The following CORIN variants were observed in gnomAD, a reference collection of about 807,000 sequenced individuals.
The protein encoded by CORIN is atrial natriuretic peptide-converting enzyme.
A neutral mutation model predicts 125.3 loss-of-function variants in CORIN; 117 were observed. That is an observed-to-expected ratio of 0.93 (90% CI 0.80 to 1.09). CORIN has a LOEUF of 1.09. Ranked by LOEUF, CORIN falls within the 50% of genes least tolerant of loss-of-function variation. The pLI is 0.00. For missense variants in CORIN, 1,253 were observed against 1,306.7 expected, an observed-to-expected ratio of 0.96 and a Z score of 0.63; for synonymous variants, 450 against 466.4, an observed-to-expected ratio of 0.96 and a Z score of 0.45.
intron 10 of CORIN, among the ~76,000 whole-genome samples, chr4:47,666,436 C>A (rs945512807): frequency 2.0e-5 from 3 of 152,304 alleles, no homozygotes; most frequent in African/African-American, 7.2e-5. Flanking sequence ...ATTGTCTCTG[C>A]CACTGAGGAA....
At chr4:47,736,488 T>G (rs1270210607) in intron 5 of CORIN, among the ~76,000 whole-genome samples, 1 of 152,230 alleles carries the variant, frequency 6.6e-6, no homozygotes, top group Non-Finnish European at 1.5e-5. Context: ...GTCTACATTC[T>G]TTTTTAAAGT....
intron 5 of CORIN, among the ~76,000 whole-genome samples, chr4:47,714,238 T>C (rs1436559561): frequency 6.6e-6 from 1 of 152,234 alleles, no homozygotes; most frequent in Non-Finnish European, 1.5e-5. Context: ...TTTAGTATTA[T>C]TTTTATATCT....
chr4:47,693,192 G>C (rs1040542198), intron 5 of CORIN, 109 bp from the exon 6 acceptor site: 1 of 733,508 alleles, frequency 1.4e-6, no homozygotes, highest in Non-Finnish European at 2.3e-6. Flanking sequence ...CAACAGATTT[G>C]TTTCCAAATT....
intron 15 of CORIN, among the ~76,000 whole-genome samples, chr4:47,642,490 T>C (rs989767542): frequency 1.3e-5 from 2 of 152,232 alleles, no homozygotes; most frequent in Non-Finnish European, 2.9e-5. Context: ...ATTCCTATTA[T>C]ATAAAGGAGA....
chr4:47,717,764 G>A (rs1467856651), intron 5 of CORIN, among the ~76,000 whole-genome samples: 4 of 152,200 alleles, frequency 2.6e-5, no homozygotes, highest in African/African-American at 7.2e-5. Flanking sequence ...AAAAGTATCT[G>A]TATTACATTT....
chr4:47,771,451 T>C (rs1393912940), intron 3 of CORIN, among the ~76,000 whole-genome samples: 5 of 152,186 alleles, frequency 3.3e-5, no homozygotes, highest in Admixed American at 3.3e-4. Flanking sequence ...TTTTTAACTT[T>C]TATTTTAAGT....
At chr4:47,706,427 C>T in intron 5 of CORIN, 4 of 1,609,578 alleles carry the variant, frequency 2.5e-6, no homozygotes, top group Non-Finnish European at 3.4e-6. Context: ...TCTGATGTCA[C>T]GCGCTTTCTT....
intron 1 of CORIN, among the ~76,000 whole-genome samples, 164 bp from the exon 2 acceptor site, chr4:47,807,211 A>AAC (rs1398474205): frequency 6.6e-6 from 1 of 152,248 alleles, no homozygotes; most frequent in Non-Finnish European, 1.5e-5. Context: ...CCAATAAAGG[A>AAC]ACAGATAACT....
chr4:47,670,552 G>A (rs1287260220), intron 10 of CORIN, among the ~76,000 whole-genome samples: 4 of 152,186 alleles, frequency 2.6e-5, no homozygotes, highest in Admixed American at 2.0e-4. Context: ...CCTTGGTGTT[G>A]AATAAGAGGG....
At position 47,679,342 on chromosome 4, in the gene CORIN, A is replaced by C. The variant is rs58232775; in HGVS notation, c.1132+799T>G. On this transcript the variant is annotated intron_variant, in intron 8 of 21. Transcript: ENST00000273857. The stretch of plus-strand genomic sequence containing the variant: ...TCACACAGAAACACAACAGTTTATA[A>C]ATTTATATTATTACTACGTTCTCTC... Among the ~76,000 whole-genome samples, 277 of 151,828 alleles carry C rather than the reference A, an allele frequency of 1.8e-3. 4 individuals are homozygous for C. The highest frequency in any genetic ancestry group is 6.2e-3 in the African/African-American group (258 of 41,464).
At chr4:47,821,721 G>T (rs1038789321) in intron 1 of CORIN, among the ~76,000 whole-genome samples, 1 of 152,010 alleles carries the variant, frequency 6.6e-6, no homozygotes, top group Non-Finnish European at 1.5e-5. Flanking sequence ...TCTTCCCAGC[G>T]CTAAAGTTAT....
intron 16 of CORIN, among the ~76,000 whole-genome samples, chr4:47,628,288 C>G (rs900663509): frequency 6.6e-6 from 1 of 152,088 alleles, no homozygotes; most frequent in African/African-American, 2.4e-5. Context: ...TTCAATTTCC[C>G]TTTCTTTTTT....
intron 3 of CORIN, among the ~76,000 whole-genome samples, chr4:47,765,388 C>T (rs1729685967): frequency 6.6e-6 from 1 of 151,588 alleles, no homozygotes; most frequent in Non-Finnish European, 1.5e-5. Flanking sequence ...TTTACTGCTG[C>T]ATAACATTCC....
At chr4:47,757,903 T>TAC (rs1729254352) in intron 4 of CORIN, among the ~76,000 whole-genome samples, 1 of 143,350 alleles carries the variant, frequency 7.0e-6, no homozygotes, top group African/African-American at 2.6e-5. Context: ...TATATATATA[T>TAC]ATACACAAAT....
intron 2 of CORIN, among the ~76,000 whole-genome samples, chr4:47,788,983 A>T (rs955179559): frequency 1.4e-4 from 22 of 152,272 alleles, no homozygotes; most frequent in African/African-American, 4.8e-4. Context: ...TTCCTTTATC[A>T]TTTTAACCAA....
chr4:47,645,189 T>C lies in CORIN; in HGVS notation c.1849A>G (p.Lys617Glu), dbSNP rs755174408. ...GGACATTCCCAAAGATCTCTCTCTT[T>C]ACAACCTAGAGACAGAAGAAAAGGT... ...DDSDEENCGC[K>E]ERDLWECPSN... The change falls in exon 14 of 22, where the codon AAA (lysine) becomes GAA (glutamate). Residue 617 changes from lysine to glutamate, a missense_variant. Transcript: ENST00000273857. The C allele has an allele frequency of 6.6e-5, 103 of 1,570,576 alleles. No individual in the cohort carries two copies. Among genetic ancestry groups the C allele is most frequent in the Admixed American group, 3.4e-5 (2 of 58,798 alleles).
At chr4:47,799,433 T>C (rs1383248028) in intron 2 of CORIN, among the ~76,000 whole-genome samples, 3 of 152,156 alleles carry the variant, frequency 2.0e-5, no homozygotes, top group African/African-American at 4.8e-5. Flanking sequence ...TGTTGTTTTT[T>C]GACTTTTTCG....
At position 47,734,522 on chromosome 4, in the gene CORIN, T is replaced by C. The variant is rs1728035347; in HGVS notation, c.799+9880A>G. ...CATTGACATTTAACCTGTGTCCTTT[T>C]ATACTTTCTGTATCACAGCATATTT... On this transcript the variant is annotated intron_variant, in intron 5 of 21. Transcript: ENST00000273857. Among the ~76,000 whole-genome samples, 2 of 152,384 alleles carry C rather than the reference T, an allele frequency of 1.3e-5. 1 individual carries two copies. The highest frequency in any genetic ancestry group is 4.1e-4 in the South Asian group (2 of 4,832).
chr4:47,620,637 A>G (rs544137575), intron 19 of CORIN, among the ~76,000 whole-genome samples: 197 of 152,338 alleles, frequency 1.3e-3, no homozygotes, highest in South Asian at 5.0e-3. Flanking sequence ...AAATGCAAAA[A>G]TACTCATGCC....
Sources: allele counts gnomAD v4.1 joint callset (sites outside exome capture counted in the v4.1 genomes callset), GRCh38; gene constraint gnomAD v4.1.1; transcripts MANE v1.5; gene names NCBI Gene and HGNC (gene_info 2026-07-23, HGNC 2026-07-21).